Variants in WAPL observed in about 807,000 individuals in gnomAD.
The protein encoded by WAPL is WAPL cohesin release factor.
WAPL carries 5 observed loss-of-function variants against 121.0 expected under a neutral mutation model. That is an observed-to-expected ratio of 0.04 (90% CI 0.02 to 0.09). WAPL has a LOEUF of 0.09. Among genes scored for constraint, WAPL ranks in the 10% least tolerant of loss-of-function variants. WAPL has a pLI of 1.00. For missense variants in WAPL, 999 were observed against 1,410.8 expected (o/e 0.71, Z 4.68); for synonymous variants, 480 against 481.5 (o/e 1.00, Z 0.04).
intron 4 of WAPL, among the ~76,000 whole-genome samples, chr10:86,485,963 T>C (rs954098650): frequency 6.6e-6 from 1 of 152,200 alleles, no homozygotes; most frequent in Admixed American, 6.5e-5. Flanking sequence ...AGCCAGAACC[T>C]GCTCAGCTTC....
rs1414404905 is a variant in WAPL at position 86,437,408 on chromosome 10, G to A, written c.*135C>T. The A allele has an allele frequency of 1.3e-5, 10 of 786,330 alleles. No individual in the cohort carries two copies. The East Asian group carries it at 2.3e-4, about 18-fold the overall frequency. 48.7% of individuals were successfully genotyped at this position (786,330 alleles called of 1,614,324 possible). ...GAATGCATGACGAAGAAATCAGGTG[G>A]CCTTAAAAATCCAAACACGAATGAT... On this transcript the variant is annotated 3_prime_UTR_variant, in exon 19 of 19. Transcript: ENST00000298767.
intron 13 of WAPL, 119 bp from the exon 14 acceptor site, chr10:86,453,454 A>C (rs1433348751): frequency 2.5e-6 from 3 of 1,206,708 alleles, no homozygotes; most frequent in Non-Finnish European, 3.5e-6. Context: ...CTATTGAAAC[A>C]TACTATTGAT....
At chr10:86,489,781 T>C (rs982629802) in intron 4 of WAPL, among the ~76,000 whole-genome samples, 1 of 150,738 alleles carries the variant, frequency 6.6e-6, no homozygotes, top group African/African-American at 2.4e-5. Context: ...CTTTACCACC[T>C]GGAAATGGGG....
intron 4 of WAPL, among the ~76,000 whole-genome samples, chr10:86,489,378 CTT>C (rs944492324): frequency 4.6e-5 from 7 of 152,180 alleles, no homozygotes; most frequent in African/African-American, 1.2e-4. Context: ...AATGTTAACT[CTT>C]TGGTTTTGAT....
At chr10:86,505,549 A>G (rs1447488591) in intron 2 of WAPL, among the ~76,000 whole-genome samples, 1 of 151,934 alleles carries the variant, frequency 6.6e-6, no homozygotes, top group Non-Finnish European at 1.5e-5. Flanking sequence ...AGCCTCCCAA[A>G]GTGCTAGGAT....
intron 4 of WAPL, among the ~76,000 whole-genome samples, chr10:86,482,930 T>C (rs142870246): frequency 1.9e-4 from 29 of 152,298 alleles, no homozygotes; most frequent in African/African-American, 6.5e-4. Context: ...TTAATAATAA[T>C]GTACTTTACA....
intron 4 of WAPL, among the ~76,000 whole-genome samples, chr10:86,474,704 G>C (rs1223497395): frequency 1.3e-5 from 2 of 152,062 alleles, no homozygotes; most frequent in Non-Finnish European, 2.9e-5. Flanking sequence ...ACCAACCTGG[G>C]TGACAAAGCA....
Position 86,459,085 on chromosome 10 carries a change from A to C in WAPL, c.2581-20T>G. 1 of 1,590,002 alleles carries C rather than the reference A, an allele frequency of 6.3e-7. No homozygotes were observed. The highest frequency in any genetic ancestry group is 8.6e-7 in the Non-Finnish European group (1 of 1,167,284). Reference sequence around the variant, plus strand: ...AGTTACCTAAAAAGGAAGAATATGAAATAATTGTGGCAATCCAAAACTTTC... The same window carrying C: ...AGTTACCTAAAAAGGAAGAATATGACATAATTGTGGCAATCCAAAACTTTC... On this transcript the variant is annotated intron_variant, in intron 11 of 18. Coordinates refer to ENST00000298767, the MANE Select transcript of WAPL (RefSeq NM_015045.5).
At chr10:86,452,229 AT>A in intron 14 of WAPL, 98 bp from the exon 15 acceptor site, 1 of 1,186,062 alleles carries the variant, frequency 8.4e-7, no homozygotes, top group Admixed American at 2.1e-5. Context: ...AAAGCTGAAT[AT>A]CAGTGTTCTA....
At position 86,521,676 on chromosome 10, in the gene WAPL, G is replaced by A. The variant is rs1456760907; in HGVS notation, c.-334C>T. The A allele has an allele frequency of 1.1e-5, 5 of 463,476 alleles. No homozygotes were observed. The highest frequency in any genetic ancestry group is 2.2e-5 in the Non-Finnish European group (5 of 224,416). The allele number at this position is 463,476 out of a possible 1,614,324, so 28.7% of individuals were successfully genotyped here. The stretch of plus-strand genomic sequence containing the variant: ...CTGGGCCGCCGCCGCCTCCTGCGCC[G>A]CCGCTTCCGCCGGTGAATGGTCAGT... On this transcript the variant is annotated 5_prime_UTR_variant, in exon 1 of 19. Transcript: ENST00000298767.
chr10:86,471,295 T>A (rs996608346), intron 7 of WAPL, among the ~76,000 whole-genome samples, 192 bp from the exon 8 acceptor site: 1 of 152,190 alleles, frequency 6.6e-6, no homozygotes, highest in Non-Finnish European at 1.5e-5. Context: ...CATGATTAGG[T>A]ACACTGTATT....
chr10:86,494,838 GT>G (rs1842120928), intron 4 of WAPL, among the ~76,000 whole-genome samples: 1 of 152,174 alleles, frequency 6.6e-6, no homozygotes, highest in Admixed American at 6.5e-5. Flanking sequence ...CATTTCTTGA[GT>G]TTTGGGGTAG....
rs1589513103 is a variant in WAPL at position 86,472,068 on chromosome 10, T to C, written c.2030+140A>G. The C allele has an allele frequency of 6.0e-6, 4 of 669,178 alleles. No individual in the cohort carries two copies. The highest frequency in any genetic ancestry group is 3.3e-5 in the East Asian group (1 of 30,020). 41.5% of individuals were successfully genotyped at this position (669,178 alleles called of 1,614,324 possible). On this transcript the variant is annotated intron_variant, in intron 7 of 18. Coordinates refer to ENST00000298767, the MANE Select transcript of WAPL (RefSeq NM_015045.5). This position sits in a 1 kb window ranked among gnomAD's most constrained non-coding sequence, Gnocchi z 4.2. The stretch of plus-strand genomic sequence containing the variant: ...ATCAAATTCTTTATAAAGAAATGGA[T>C]AGCATTTTAACATATCACTGGCTAT...
chr10:86,481,551 T>G (rs1231723723), intron 4 of WAPL, among the ~76,000 whole-genome samples: 1 of 152,080 alleles, frequency 6.6e-6, no homozygotes, highest in Non-Finnish European at 1.5e-5. Context: ...TTTTGTATTT[T>G]TAGTAGAGAC....
In WAPL at chr10:86,477,397, G is replaced by A. The variant is rs541042142; in HGVS notation, c.1645-3424C>T. Among the ~76,000 whole-genome samples, 162 of 152,242 alleles carry A rather than the reference G, an allele frequency of 1.1e-3. 1 individual carries two copies. The highest frequency in any genetic ancestry group is 3.8e-3 in the African/African-American group (157 of 41,542). On this transcript the variant is annotated intron_variant, in intron 4 of 18. Transcript: ENST00000298767. Reference sequence around the variant, plus strand: ...ATCATACAGCAATCAACTTTCCATGGAAAATCAAAAATCACCCTTACCATT... The same window carrying A: ...ATCATACAGCAATCAACTTTCCATGAAAAATCAAAAATCACCCTTACCATT...
intron 4 of WAPL, among the ~76,000 whole-genome samples, chr10:86,482,833 GA>G (rs1841824301): frequency 6.6e-6 from 1 of 152,180 alleles, no homozygotes; most frequent in South Asian, 2.1e-4. Flanking sequence ...GCAGGTAGGG[GA>G]AATGGGATTT....
At chr10:86,506,673 C>T (rs1384329263) in intron 2 of WAPL, among the ~76,000 whole-genome samples, 1 of 152,120 alleles carries the variant, frequency 6.6e-6, no homozygotes, top group African/African-American at 2.4e-5. Flanking sequence ...TCCTATAGTC[C>T]TAGCTACTCA....
At chr10:86,508,786 T>C (rs1431467163) in intron 2 of WAPL, among the ~76,000 whole-genome samples, 39 of 122,660 alleles carry the variant, frequency 3.2e-4, no homozygotes, top group African/African-American at 1.3e-3. Flanking sequence ...TGAGACAGAG[T>C]CTCTGTCACC....
In WAPL at chr10:86,500,193, C is replaced by G; in HGVS notation, c.1050G>C (p.Gly350=). The change falls in exon 3 of 19, where the codon GGG becomes GGC. Residue 350 remains glycine, a synonymous_variant. Coordinates refer to ENST00000298767, the MANE Select transcript of WAPL (RefSeq NM_015045.5). The part of the protein sequence containing the change: ...GGVSCGTSFR[G]TVGRTRDYTV... ...TGTAATCTCTAGTCCGTCCAACTGT[C>G]CCTCTAAAACTGGTCCCACAACTTA... The G allele has an allele frequency of 6.2e-7, 1 of 1,614,164 alleles. No homozygotes were observed. The highest frequency in any genetic ancestry group is 8.5e-7 in the Non-Finnish European group (1 of 1,180,032).
Sources: allele counts gnomAD v4.1 joint callset (sites outside exome capture counted in the v4.1 genomes callset), GRCh38; gene constraint gnomAD v4.1.1; non-coding constraint Gnocchi (gnomAD v3.1); transcripts MANE v1.5; gene names NCBI Gene and HGNC (gene_info 2026-07-23, HGNC 2026-07-21).